The following TAFA2 variants were observed in gnomAD, a reference collection of about 807,000 sequenced individuals.
TAFA2 encodes TAFA chemokine like family member 2.
A neutral mutation model predicts 18.8 loss-of-function variants in TAFA2; 7 were observed. The observed-to-expected ratio is 0.37, with a 90% CI of 0.21 to 0.70. The LOEUF (loss-of-function observed/expected upper bound fraction) is 0.70, where lower values mean the gene tolerates loss of function less well. Among genes scored for constraint, TAFA2 ranks in the 30% least tolerant of loss-of-function variants. The pLI, the probability that TAFA2 is intolerant of heterozygous loss-of-function variation, is 0.53. For missense variants in TAFA2, 122 were observed against 158.1 expected, an observed-to-expected ratio of 0.77 and a Z score of 1.23; for synonymous variants, 60 against 54.2, an observed-to-expected ratio of 1.11 and a Z score of -0.47.
intron 1 of TAFA2, among the ~76,000 whole-genome samples, chr12:61,923,842 T>A (rs1877162871): frequency 6.6e-6 from 1 of 151,698 alleles, no homozygotes; most frequent in Non-Finnish European, 1.5e-5. Flanking sequence ...AGAACCTTGA[T>A]AAAAGGTTAC....
chr12:61,927,630 T>A (rs941753597), intron 1 of TAFA2, among the ~76,000 whole-genome samples: 3 of 152,144 alleles, frequency 2.0e-5, no homozygotes, highest in Admixed American at 6.5e-5. Context: ...CAAGCTACCA[T>A]TGACTTTCTT....
chr12:62,109,439 C>T (rs1461752974), intron 1 of TAFA2, among the ~76,000 whole-genome samples: 2 of 152,102 alleles, frequency 1.3e-5, no homozygotes, highest in Non-Finnish European at 2.9e-5. Context: ...GTTATTTTTG[C>T]TTAGGACTGT....
At chr12:62,223,747 C>T (rs746146254) in intron 1 of TAFA2, among the ~76,000 whole-genome samples, 2 of 151,982 alleles carry the variant, frequency 1.3e-5, no homozygotes, top group African/African-American at 2.4e-5. Context: ...ACCAAAAGCA[C>T]AGGAAACAAT....
At chr12:62,116,347 G>GA (rs926860842) in intron 1 of TAFA2, among the ~76,000 whole-genome samples, 5 of 152,196 alleles carry the variant, frequency 3.3e-5, no homozygotes, top group Non-Finnish European at 1.5e-5. Flanking sequence ...TGTGGACAGA[G>GA]AAAACGTAGT....
At chr12:61,958,569 A>G (rs908899730) in intron 1 of TAFA2, among the ~76,000 whole-genome samples, 8 of 151,810 alleles carry the variant, frequency 5.3e-5, no homozygotes, top group Non-Finnish European at 7.4e-5. Flanking sequence ...TCCTACATAT[A>G]TATTTAAGTA....
At chr12:61,932,596 C>G (rs527603932) in intron 1 of TAFA2, among the ~76,000 whole-genome samples, 1 of 152,144 alleles carries the variant, frequency 6.6e-6, no homozygotes, top group Non-Finnish European at 1.5e-5. Context: ...CCCCCCTCCA[C>G]CACGCCCAGC....
chr12:62,166,353 G>T (rs2062439826), intron 1 of TAFA2, among the ~76,000 whole-genome samples: 1 of 152,108 alleles, frequency 6.6e-6, no homozygotes, highest in Admixed American at 6.6e-5. Flanking sequence ...GAGACATTTG[G>T]CAAAATTACA....
intron 1 of TAFA2, among the ~76,000 whole-genome samples, chr12:62,181,736 G>C (rs958306268): frequency 6.6e-6 from 1 of 152,170 alleles, no homozygotes; most frequent in African/African-American, 2.4e-5. Flanking sequence ...GTAGAATAGA[G>C]TCACGTACCT....
At chr12:61,993,658 A>G (rs976267056) in intron 1 of TAFA2, among the ~76,000 whole-genome samples, 2 of 152,216 alleles carry the variant, frequency 1.3e-5, no homozygotes, top group African/African-American at 4.8e-5. Flanking sequence ...CTAAAGTCTC[A>G]TAGATCAGGA....
chr12:61,710,567 G>T, intron 4 of TAFA2, 150 bp from the exon 5 acceptor site: 2 of 615,154 alleles, frequency 3.3e-6, no homozygotes, highest in East Asian at 2.7e-5. Flanking sequence ...ACAGATGCAG[G>T]TATTTCCATC....
chr12:62,201,426 A>C (rs2062670463), intron 1 of TAFA2, among the ~76,000 whole-genome samples: 1 of 152,176 alleles, frequency 6.6e-6, no homozygotes, highest in Non-Finnish European at 1.5e-5. Flanking sequence ...TACCTAGTAT[A>C]TTGAGAGTTT....
At chr12:61,750,191 A>T (rs1169968779) in intron 4 of TAFA2, among the ~76,000 whole-genome samples, 1 of 152,060 alleles carries the variant, frequency 6.6e-6, no homozygotes, top group East Asian at 1.9e-4. Context: ...ACCCTTTGAA[A>T]AGTTCTTTAT....
intron 1 of TAFA2, among the ~76,000 whole-genome samples, chr12:62,004,454 G>A (rs1294297243): frequency 6.6e-5 from 10 of 151,914 alleles, no homozygotes; most frequent in Admixed American, 6.6e-4. Flanking sequence ...GAAGAGAGAT[G>A]AAGCAAAAAA....
chr12:61,735,655 C>T (rs1868292168), intron 4 of TAFA2, among the ~76,000 whole-genome samples: 1 of 151,800 alleles, frequency 6.6e-6, no homozygotes, highest in African/African-American at 2.4e-5. Context: ...CTTTTGCCTT[C>T]TTTTGTATAG....
chr12:61,947,151 T>C (rs1171435769), intron 1 of TAFA2, among the ~76,000 whole-genome samples: 1 of 142,866 alleles, frequency 7.0e-6, no homozygotes. Context: ...GTTCATGTCC[T>C]TTGTAGGGAC....
chr12:61,921,509 CAGG>C lies in TAFA2; in HGVS notation c.-1-54086_-1-54084del, dbSNP rs756995407. On this transcript the variant is annotated intron_variant, in intron 1 of 4. Coordinates refer to ENST00000416284, the MANE Select transcript of TAFA2 (RefSeq NM_178539.5). ...GAAATGGAAAAGGCTATGGCTGAAACAGGAGACTTTTTGTTGTTTGGTGTGGTG... is the reference window on the plus strand; with the variant it reads ...GAAATGGAAAAGGCTATGGCTGAAACAGACTTTTTGTTGTTTGGTGTGGTG... 2.5e-3 allele frequency among the ~76,000 whole-genome samples: 376 copies of C among 152,154 alleles called. 3 individuals carry two copies. The highest frequency in any genetic ancestry group is 3.8e-3 in the Non-Finnish European group (259 of 67,982).
intron 2 of TAFA2, among the ~76,000 whole-genome samples, chr12:61,765,479 T>A (rs1020177000): frequency 4.6e-5 from 7 of 152,138 alleles, no homozygotes; most frequent in African/African-American, 1.7e-4. Context: ...ATAATGATAT[T>A]CCTAGTAATG....
At chr12:61,849,083 A>G (rs1266131363) in intron 2 of TAFA2, among the ~76,000 whole-genome samples, 1 of 152,148 alleles carries the variant, frequency 6.6e-6, no homozygotes, top group African/African-American at 2.4e-5. Flanking sequence ...ACCTCAGGCG[A>G]TCCACCCTCC....
chr12:61,779,332 T>G (rs1281870831), intron 2 of TAFA2, among the ~76,000 whole-genome samples: 3 of 151,764 alleles, frequency 2.0e-5, no homozygotes, highest in Non-Finnish European at 2.9e-5. Context: ...CACTATGCAC[T>G]GGTAGAAACC....
Sources: gnomAD v4.1 joint callset for allele counts (sites outside exome capture counted in the v4.1 genomes callset) on GRCh38, gnomAD v4.1.1 for gene constraint, MANE v1.5 for transcripts, NCBI Gene and HGNC (gene_info 2026-07-23, HGNC 2026-07-21) for gene names.